The following NOTUM variants were observed in gnomAD, a reference collection of about 807,000 sequenced individuals.
The protein encoded by NOTUM is notum, palmitoleoyl-protein carboxylesterase, also known as palmitoleoyl-protein carboxylesterase NOTUM.
A neutral mutation model predicts 65.5 loss-of-function variants in NOTUM; 36 were observed. The ratio of observed to expected loss-of-function variants is 0.55; its 90% CI spans 0.42 to 0.73. The LOEUF (loss-of-function observed/expected upper bound fraction) is 0.73. NOTUM is among the 30% of genes least tolerant of loss of function. The probability of loss-of-function intolerance (pLI) is 0.00; values close to 1 mark genes in which losing one functional copy is unlikely to be tolerated. For missense variants in NOTUM, 659 were observed against 694.2 expected (o/e 0.95, Z 0.57); for synonymous variants, 356 against 297.9 (o/e 1.20, Z -2.01).
In NOTUM at chr17:81,956,656, G is replaced by A. The variant is rs1472711945; in HGVS notation, c.982C>T (p.Leu328=). ...CGCTCTGCCGCCCACTCACAGCGCA[G>A]GGTCGGGTAGACCTTGTAGCCAAAG... The part of the protein sequence containing the change: ...CFFGYKVYPT[L]RCPVFVVQWL... Residue 328 remains leucine (L), a synonymous_variant, in exon 8 of 11, where the codon CTG becomes TTG. Coordinates refer to ENST00000409678, the MANE Select transcript of NOTUM (RefSeq NM_178493.6). 1.2e-6 allele frequency: 2 copies of A among 1,609,754 alleles called. No individual in the cohort carries two copies. Among genetic ancestry groups the A allele is most frequent in the Admixed American group, 3.3e-5 (2 of 59,964 alleles).
At chr17:81,957,679 C>A in intron 6 of NOTUM, 127 bp downstream of exon 6, 1 of 675,194 alleles carries the variant, frequency 1.5e-6, no homozygotes, top group Non-Finnish European at 2.6e-6. Context: ...CCCTCCTAGC[C>A]ACCTGCCAAG....
In NOTUM at chr17:81,957,089, A is replaced by T. The variant is rs542000601; in HGVS notation, c.696-15T>A. 6.3e-7 allele frequency: 1 copy of T among 1,587,192 alleles called. No individual in the cohort carries two copies. Among genetic ancestry groups the T allele is most frequent in the African/African-American group, 1.3e-5 (1 of 74,816 alleles). ...TGCCCCCCGCGCTGCAAGGAGGGCCAGACGTGAGGCCAGGTGGCTGGGAAG... is the reference window on the plus strand; with the variant it reads ...TGCCCCCCGCGCTGCAAGGAGGGCCTGACGTGAGGCCAGGTGGCTGGGAAG... On this transcript the variant is annotated splice_polypyrimidine_tract_variant and intron_variant, in intron 6 of 10. Coordinates refer to ENST00000409678, the MANE Select transcript of NOTUM (RefSeq NM_178493.6).
At chr17:81,953,772 CT>C (rs35740276) in intron 10 of NOTUM, among the ~76,000 whole-genome samples, 80,095 of 141,390 alleles carry the variant, frequency 0.57, 22,523 homozygotes, top group Non-Finnish European at 0.58. Context: ...CAGCCTGAGT[CT>C]TTTTTTTTTT....
intron 5 of NOTUM, 142 bp downstream of exon 5, chr17:81,958,193 A>C: frequency 1.5e-6 from 1 of 670,068 alleles, no homozygotes; most frequent in Non-Finnish European, 2.7e-6. Context: ...AGGGCTTTGA[A>C]AGCACGACAA....
At position 81,960,997 on chromosome 17, in the gene NOTUM, T is replaced by TGCCGG; in HGVS notation, c.-89_-88insCCGGC. 1.5e-6 allele frequency: 1 copy of TGCCGG among 652,112 alleles called. No individual in the cohort carries two copies. Among genetic ancestry groups the TGCCGG allele is most frequent in the Non-Finnish European group, 2.0e-6 (1 of 492,294 alleles). 40.4% of individuals were successfully genotyped at this position (652,112 alleles called of 1,614,324 possible). A position where few individuals can be genotyped will look rare whatever the true frequency, so the allele number is the denominator to read the frequency against. ...CGGGCCGGGGGTGCCGGGCCGGGGG[T>TGCCGG]GTCGGGGGCACTGGCCGCTCCTGCT... On this transcript the variant is annotated 5_prime_UTR_variant, in exon 1 of 11. Coordinates refer to ENST00000409678, the MANE Select transcript of NOTUM (RefSeq NM_178493.6). This position sits in a 1 kb window ranked among gnomAD's most constrained non-coding sequence, Gnocchi z 6.4.
Position 81,952,889 on chromosome 17 carries a change from G to T in NOTUM, c.*72C>A, listed in dbSNP as rs75165065. ...CGAAGAGACGGGAGGGCCTGCTGGT[G>T]GGGGGTGAGGTGGCACTGGGGCAGC... On this transcript the variant is annotated 3_prime_UTR_variant, in exon 11 of 11. Transcript: ENST00000409678. 0.012 allele frequency: 15,577 copies of T among 1,343,930 alleles called. 893 individuals carry two copies. The East Asian group carries it at 0.14, about 12-fold the overall frequency. 83.3% of individuals were successfully genotyped at this position (1,343,930 alleles called of 1,614,324 possible).
intron 7 of NOTUM, 51 bp from the exon 8 acceptor site, chr17:81,956,801 T>C (rs1039118536): frequency 6.3e-7 from 1 of 1,590,520 alleles, no homozygotes; most frequent in Non-Finnish European, 8.6e-7. Context: ...CCCCCGGGGC[T>C]CCCCACCCAC....
chr17:81,958,503 C>T (rs969578886), intron 4 of NOTUM, 110 bp from the exon 5 acceptor site: 1 of 742,076 alleles, frequency 1.3e-6, no homozygotes, highest in South Asian at 1.5e-5. Context: ...ACAGGATTCC[C>T]CTGGAAGGAC....
At chr17:81,957,104 T>G (rs201514031) in intron 6 of NOTUM, 30 bp from the exon 7 acceptor site, 19 of 1,572,866 alleles carry the variant, frequency 1.2e-5, no homozygotes, top group Non-Finnish European at 1.6e-5. Context: ...TGAGGCCAGG[T>G]GGCTGGGAAG....
chr17:81,956,430 G>C (rs533737959), intron 8 of NOTUM, among the ~76,000 whole-genome samples: 22 of 152,072 alleles, frequency 1.4e-4, no homozygotes, highest in African/African-American at 5.3e-4. Context: ...GCAGCGACTA[G>C]GCCCCCTGGC....
intron 4 of NOTUM, 69 bp from the exon 5 acceptor site, chr17:81,958,462 G>A (rs1391147158): frequency 3.0e-6 from 3 of 1,010,386 alleles, no homozygotes; most frequent in African/African-American, 1.6e-5. Flanking sequence ...AGGACCCCCA[G>A]AACAGGACCC....
intron 4 of NOTUM, 103 bp downstream of exon 4, chr17:81,958,832 C>A: frequency 1.2e-6 from 1 of 864,098 alleles, no homozygotes; most frequent in Non-Finnish European, 1.9e-6. Flanking sequence ...AGAACAGGAC[C>A]CCCAGGAAAG....
At chr17:81,954,178 G>T in intron 10 of NOTUM, 78 bp downstream of exon 10, 1 of 1,044,968 alleles carries the variant, frequency 9.6e-7, no homozygotes, top group Non-Finnish European at 1.5e-6. Flanking sequence ...CCCATGGGAG[G>T]CCAAGTGCGG....
In NOTUM at chr17:81,956,653, G is replaced by C. The variant is rs753745399; in HGVS notation, c.985C>G (p.Arg329Gly). 6.2e-7 allele frequency: 1 copy of C among 1,606,930 alleles called. No homozygotes were observed. ...FFGYKVYPTLRCPVFVVQWLF... is the reference protein window; with the variant it reads ...FFGYKVYPTLGCPVFVVQWLF... ...CTCCGCTCTGCCGCCCACTCACAGC[G>C]CAGGGTCGGGTAGACCTTGTAGCCA... is the stretch of plus-strand genomic sequence containing the variant. The change falls in exon 8 of 11, where the codon CGC becomes GGC. Residue 329 changes from arginine to glycine, a missense_variant. Arg to Gly is a moderately radical substitution (Grantham distance 125, BLOSUM62 -2). Coordinates refer to ENST00000409678, the MANE Select transcript of NOTUM (RefSeq NM_178493.6).
chr17:81,954,201 TG>T, intron 10 of NOTUM, 54 bp downstream of exon 10: 1 of 1,312,380 alleles, frequency 7.6e-7, no homozygotes, highest in Non-Finnish European at 1.1e-6. Context: ...GGGGAGCATG[TG>T]GACTTTTGAA....
In NOTUM at chr17:81,959,636, G is replaced by T. The variant is rs1046114937; in HGVS notation, c.376+4C>A. 12 of 1,544,256 alleles carry T rather than the reference G, an allele frequency of 7.8e-6. No individual in the cohort carries two copies. The highest frequency in any genetic ancestry group is 1.0e-5 in the Non-Finnish European group (12 of 1,144,826). ...GCCTCCCCCCGCCTCAGCCCTGGAC[G>T]CACCTTCCAGGAAGAGGAGCCACCG... is the stretch of plus-strand genomic sequence containing the variant. On this transcript the variant is annotated splice_donor_region_variant and intron_variant, in intron 2 of 10. Coordinates refer to ENST00000409678, the MANE Select transcript of NOTUM (RefSeq NM_178493.6).
rs1250680255 is a variant in NOTUM at position 81,960,817 on chromosome 17, C to T, written c.93G>A (p.Gln31=). 3 of 1,531,622 alleles carry T rather than the reference C, an allele frequency of 2.0e-6. No individual in the cohort carries two copies. The highest frequency in any genetic ancestry group is 1.2e-5 in the South Asian group (1 of 83,480). 94.9% of individuals were successfully genotyped at this position (1,531,622 alleles called of 1,614,324 possible). The change falls in exon 1 of 11, where the codon CAG becomes CAA. Residue 31 remains glutamine (Q), a synonymous_variant. Transcript: ENST00000409678. This position sits in a 1 kb window ranked among gnomAD's most constrained non-coding sequence, Gnocchi z 6.4. The part of the protein sequence containing the change: ...EGRKTWRRRG[Q]QPPPPPRTEA... ...CGGTCCGCGGGGGAGGAGGCGGCTG[C>T]TGACCCCGGCGCCGCCAGGTCTTCC...
intron 6 of NOTUM, 27 bp from the exon 7 acceptor site, chr17:81,957,101 A>G: frequency 6.3e-7 from 1 of 1,575,956 alleles, no homozygotes; most frequent in Non-Finnish European, 8.6e-7. Context: ...ACGTGAGGCC[A>G]GGTGGCTGGG....
rs753031812 is a variant in NOTUM at position 81,958,411 on chromosome 17, G to A, written c.534-18C>T. 21 of 1,595,748 alleles carry A rather than the reference G, an allele frequency of 1.3e-5. No homozygotes were observed. The highest frequency in any genetic ancestry group is 1.7e-4 in the Middle Eastern group (1 of 6,060). ...GGATGAAGCTGCAACACAGAACAGA[G>A]TGAGCCTGTCACAGCGCCTGCCGCC... On this transcript the variant is annotated intron_variant, in intron 4 of 10. Transcript: ENST00000409678.
Sources: gnomAD v4.1 joint callset for allele counts (sites outside exome capture counted in the v4.1 genomes callset) on GRCh38, gnomAD v4.1.1 for gene constraint, Gnocchi (gnomAD v3.1) non-coding constraint, MANE v1.5 for transcripts, NCBI Gene and HGNC (gene_info 2026-07-23, HGNC 2026-07-21) for gene names.